HEYL: variants seen among roughly 807,000 people sequenced by gnomAD.
HEYL encodes hes related family bHLH transcription factor with YRPW motif like.
HEYL carries 12 observed loss-of-function variants against 18.6 expected under a neutral mutation model. The ratio of observed to expected loss-of-function variants is 0.65; its 90% CI spans 0.41 to 1.05. The LOEUF is 1.05. HEYL is among the 50% of genes least tolerant of loss of function. The pLI, the probability that HEYL is intolerant of heterozygous loss-of-function variation, is 0.00. For synonymous variants in HEYL, 159 were observed against 179.6 expected (o/e 0.89, Z 0.91); for missense variants, 420 against 444.7 (o/e 0.94, Z 0.50).
At position 39,625,178 on chromosome 1, in the gene HEYL, G is replaced by C. The variant is rs566231366; in HGVS notation, c.*1329C>G. On this transcript the variant is annotated 3_prime_UTR_variant, in exon 5 of 5. Coordinates refer to ENST00000372852, the MANE Select transcript of HEYL (RefSeq NM_014571.4). ...GTGGGGGGCACCTGGAGTCACTTGG[G>C]GGAGTAGATATTTACCAACGAGTAC... 1 of 152,442 alleles carries C rather than the reference G, an allele frequency of 6.6e-6. No individual in the cohort carries two copies. Among genetic ancestry groups the C allele is most frequent in the Admixed American group, 6.5e-5 (1 of 15,308 alleles). The allele number at this position is 152,442 out of a possible 1,614,324, so 9.4% of individuals were successfully genotyped here. A position where few individuals can be genotyped will look rare whatever the true frequency, so the allele number is the denominator to read the frequency against.
chr1:39,632,530 G>T, intron 2 of HEYL, 119 bp downstream of exon 2: 1 of 904,066 alleles, frequency 1.1e-6, no homozygotes, highest in South Asian at 1.6e-5. Flanking sequence ...GCCGGGATTT[G>T]AACCCAAGCA....
intron 2 of HEYL, 131 bp downstream of exon 2, chr1:39,632,516 CAG>C: frequency 3.8e-6 from 3 of 799,766 alleles, no homozygotes. Context: ...TAGCTAGTGA[CAG>C]AGCCGGGATT....
At chr1:39,637,420 C>A (rs1457286479) in intron 1 of HEYL, among the ~76,000 whole-genome samples, 2 of 152,194 alleles carry the variant, frequency 1.3e-5, no homozygotes, top group Non-Finnish European at 2.9e-5. Flanking sequence ...TGTTTATCTG[C>A]TTTCTTTGTA....
At chr1:39,631,789 C>G (rs1165815461) in intron 2 of HEYL, among the ~76,000 whole-genome samples, 1 of 152,196 alleles carries the variant, frequency 6.6e-6, no homozygotes, top group Non-Finnish European at 1.5e-5. Flanking sequence ...GGGAGTACAA[C>G]TCAGATCTCT....
intron 1 of HEYL, among the ~76,000 whole-genome samples, chr1:39,636,308 C>G (rs1646362388): frequency 6.6e-6 from 1 of 151,684 alleles, no homozygotes; most frequent in Non-Finnish European, 1.5e-5. Flanking sequence ...ACTCTGTCAC[C>G]CAGGCTGGAG....
In HEYL at chr1:39,625,050, A is replaced by G. The variant is rs899508326; in HGVS notation, c.*1457T>C. ...GGGGTGACAACTGAAGTATCTAACC[A>G]GTGTGGAATGAGCACCAGTGAACTG... On this transcript the variant is annotated 3_prime_UTR_variant, in exon 5 of 5. Coordinates refer to ENST00000372852, the MANE Select transcript of HEYL (RefSeq NM_014571.4). 1 of 152,184 alleles carries G rather than the reference A, an allele frequency of 6.6e-6. No individual in the cohort carries two copies. 9.4% of individuals were successfully genotyped at this position (152,184 alleles called of 1,614,324 possible).
chr1:39,633,036 GC>G, intron 1 of HEYL: 1 of 969,416 alleles, frequency 1.0e-6, no homozygotes, highest in Non-Finnish European at 1.2e-6. Flanking sequence ...GGCGGGGCGG[GC>G]GAGGGCACTG....
In HEYL at chr1:39,626,583, C is replaced by T; in HGVS notation, c.911G>A (p.Gly304Glu). The change falls in exon 5 of 5, where the codon GGG (glycine) becomes GAG (glutamate). Residue 304 changes from glycine to glutamate, a missense_variant. Transcript: ENST00000372852. ...GGCTCCCGCTGGCCTCCCAGCTGGC[C>T]CTGGGGAGGATGAGTTGGGGGTGGG... ...AVPTPNSSSP[G>E]PAGRPAGAML... 1 of 1,552,808 alleles carries T rather than the reference C, an allele frequency of 6.4e-7. No homozygotes were observed. Among genetic ancestry groups the T allele is most frequent in the Middle Eastern group, 1.7e-4 (1 of 5,954 alleles).
intron 1 of HEYL, among the ~76,000 whole-genome samples, chr1:39,637,803 C>A (rs1041192021): frequency 3.3e-5 from 5 of 152,206 alleles, no homozygotes; most frequent in Non-Finnish European, 7.4e-5. Flanking sequence ...CCCTCCTTGC[C>A]ATCTTTGATT....
At chr1:39,639,481 C>T in intron 1 of HEYL, 65 bp downstream of exon 1, 1 of 1,386,090 alleles carries the variant, frequency 7.2e-7, no homozygotes, top group Non-Finnish European at 9.8e-7. Flanking sequence ...GCTCGGCGAG[C>T]CCGTCGGGCC....
chr1:39,630,353 G>A (rs1482142289), intron 3 of HEYL, 45 bp from the exon 4 acceptor site: 3 of 1,450,038 alleles, frequency 2.1e-6, no homozygotes, highest in Non-Finnish European at 2.9e-6. Context: ...AGCTGACCAT[G>A]TAGCTGTGCG....
At position 39,626,540 on chromosome 1, in the gene HEYL, C is replaced by A; in HGVS notation, c.954G>T (p.Trp318Cys). 1 of 1,546,178 alleles carries A rather than the reference C, an allele frequency of 6.5e-7. No individual in the cohort carries two copies. Among genetic ancestry groups the A allele is most frequent in the Non-Finnish European group, 8.7e-7 (1 of 1,144,944 alleles). Residue 318 changes from tryptophan (W) to cysteine (C), a missense_variant, in exon 5 of 5, where the codon TGG (tryptophan) becomes TGT (cysteine). Coordinates refer to ENST00000372852, the MANE Select transcript of HEYL (RefSeq NM_014571.4). The stretch of plus-strand genomic sequence containing the variant: ...CCCCGATTTCAGTGATTTCAGAGAC[C>A]CAGGAGTGGTAGAGCATGGCTCCCG... ...RPAGAMLYHS[W>C]VSEITEIGAF
In HEYL at chr1:39,626,825, G is replaced by A; in HGVS notation, c.669C>T (p.Arg223=). Reference sequence around the variant, plus strand: ...CTGGCAGGATGATGCCTGTGGCTCTGCGAAGGGGAGCGGTTCGGAGGGCTG... The same window carrying A: ...CTGGCAGGATGATGCCTGTGGCTCTACGAAGGGGAGCGGTTCGGAGGGCTG... The part of the protein sequence containing the change: ...PIPALRTAPL[R]RATGIILPAR... Residue 223 remains arginine, a synonymous_variant, in exon 5 of 5, where the codon CGC becomes CGT. Coordinates refer to ENST00000372852, the MANE Select transcript of HEYL (RefSeq NM_014571.4). 1 of 1,568,404 alleles carries A rather than the reference G, an allele frequency of 6.4e-7. No individual in the cohort carries two copies. Among genetic ancestry groups the A allele is most frequent in the Non-Finnish European group, 8.6e-7 (1 of 1,156,280 alleles).
At chr1:39,631,287 A>G (rs1335186982) in intron 3 of HEYL, among the ~76,000 whole-genome samples, 2 of 144,944 alleles carry the variant, frequency 1.4e-5, no homozygotes, top group African/African-American at 5.1e-5. Context: ...CATTTTGAGG[A>G]GTCAATTCAA....
chr1:39,627,039 T>A lies in HEYL; in HGVS notation c.455A>T (p.His152Leu), dbSNP rs769066770. Residue 152 changes from histidine (H) to leucine (L), a missense_variant, in exon 5 of 5, where the codon CAC (histidine) becomes CTC (leucine). By Grantham distance (99) the His-to-Leu change is moderately conservative (BLOSUM62 -3). Coordinates refer to ENST00000372852, the MANE Select transcript of HEYL (RefSeq NM_014571.4). ...CATCTCGGCTGCGTAGCTGTTGAGG[T>A]GGGAGAGAAGGCGAATCCGGACGGG... The part of the protein sequence containing the change: ...ADPVRIRLLS[H>L]LNSYAAEMEP... The A allele has an allele frequency of 6.2e-7, 1 of 1,613,950 alleles. No individual in the cohort carries two copies. The highest frequency in any genetic ancestry group is 8.5e-7 in the Non-Finnish European group (1 of 1,179,948).
chr1:39,637,009 C>T (rs764109010), intron 1 of HEYL, among the ~76,000 whole-genome samples: 4 of 152,082 alleles, frequency 2.6e-5, no homozygotes, highest in East Asian at 1.9e-4. Context: ...ATTTTGAACG[C>T]GAGAAAACTG....
chr1:39,636,868 A>G lies in HEYL; in HGVS notation c.80+2678T>C, dbSNP rs533963906. Among the ~76,000 whole-genome samples, 7 of 152,292 alleles carry G rather than the reference A, an allele frequency of 4.6e-5. No individual in the cohort carries two copies. In the East Asian group the frequency reaches 9.6e-4, roughly 21 times the overall value. On this transcript the variant is annotated intron_variant, in intron 1 of 4. Transcript: ENST00000372852. ...TGTCTCATAAATATGTTGCCCCCCA[A>G]CTGAATGGTGACCGCTTTGACAGCA...
At chr1:39,631,921 A>C (rs1646335665) in intron 2 of HEYL, among the ~76,000 whole-genome samples, 1 of 152,234 alleles carries the variant, frequency 6.6e-6, no homozygotes, top group Admixed American at 6.5e-5. Context: ...GTGCTGGGCC[A>C]GGAGGGTGAC....
At position 39,623,818 on chromosome 1, in the gene HEYL, G is replaced by A. The variant is rs151170453; in HGVS notation, c.*2689C>T. ...GAGGTGGGAACAAGGCTGGAATGTC[G>A]AGGAAATGAAGGAAGGGCAGGTGGC... On this transcript the variant is annotated 3_prime_UTR_variant, in exon 5 of 5. Transcript: ENST00000372852. Among the ~76,000 whole-genome samples, 3 of 152,320 alleles carry A rather than the reference G, an allele frequency of 2.0e-5. No homozygotes were observed. The highest frequency in any genetic ancestry group is 2.9e-5 in the Non-Finnish European group (2 of 68,026).
Sources: allele counts gnomAD v4.1 joint callset (sites outside exome capture counted in the v4.1 genomes callset), GRCh38; gene constraint gnomAD v4.1.1; transcripts MANE v1.5; gene names NCBI Gene and HGNC (gene_info 2026-07-23, HGNC 2026-07-21).